The following PABPC4L variants were observed in gnomAD, a reference collection of about 807,000 sequenced individuals.
PABPC4L encodes the protein polyadenylate-binding protein 4-like.
For synonymous variants in PABPC4L, 169 were observed against 164.1 expected (o/e 1.03, Z -0.23); for missense variants, 452 against 451.4 (o/e 1.00, Z -0.01).
the PABPC4L span, among the ~76,000 whole-genome samples, chr4:134,013,434 C>T: frequency 6.6e-6 from 1 of 151,722 alleles, no homozygotes; most frequent in African/African-American, 2.4e-5. Flanking sequence ...ACCTTCCATT[C>T]CTCCTTCTTC....
At chr4:134,057,044 T>TA in the PABPC4L span, among the ~76,000 whole-genome samples, 1 of 151,994 alleles carries the variant, frequency 6.6e-6, no homozygotes, top group Admixed American at 6.6e-5. Context: ...TCAAGATGAG[T>TA]TAGTTATCTC....
At chr4:133,996,619 C>A in the PABPC4L span, among the ~76,000 whole-genome samples, 1 of 152,130 alleles carries the variant, frequency 6.6e-6, no homozygotes, top group African/African-American at 2.4e-5. Flanking sequence ...TATTGCAATC[C>A]GTTGCAGCAT....
chr4:133,987,452 A>G, the PABPC4L span, among the ~76,000 whole-genome samples: 1 of 152,312 alleles, frequency 6.6e-6, no homozygotes, highest in African/African-American at 2.4e-5. Context: ...TCCACATCCC[A>G]AGGAAACAGG....
the PABPC4L span, among the ~76,000 whole-genome samples, chr4:134,147,749 G>GTGTGTGT: frequency 6.2e-3 from 920 of 149,032 alleles, 12 homozygotes; most frequent in East Asian, 0.029. Flanking sequence ...GTGTGTGTGT[G>GTGTGTGT]TGTTGTTGTT....
At chr4:134,044,521 C>T in the PABPC4L span, among the ~76,000 whole-genome samples, 1 of 152,264 alleles carries the variant, frequency 6.6e-6, no homozygotes, top group Admixed American at 6.5e-5. Flanking sequence ...GCCTCAGCCT[C>T]CCAAAGTGCT....
chr4:133,989,836 T>C, the PABPC4L span, among the ~76,000 whole-genome samples: 3 of 152,236 alleles, frequency 2.0e-5, no homozygotes, highest in Admixed American at 6.5e-5. Context: ...AGAGCCTTAA[T>C]TGACTCACAA....
chr4:133,976,623 T>C, the PABPC4L span, among the ~76,000 whole-genome samples: 6 of 152,192 alleles, frequency 3.9e-5, no homozygotes, highest in Non-Finnish European at 8.8e-5. Flanking sequence ...CCAGCATCTG[T>C]TGTTTCTTGA....
At chr4:134,086,763 T>A in the PABPC4L span, among the ~76,000 whole-genome samples, 1 of 151,700 alleles carries the variant, frequency 6.6e-6, no homozygotes, top group Admixed American at 6.6e-5. Context: ...TCTATTTATT[T>A]CTTTTTCTTT....
At chr4:134,186,958 G>T in the PABPC4L span, among the ~76,000 whole-genome samples, 1 of 152,050 alleles carries the variant, frequency 6.6e-6, no homozygotes, top group Non-Finnish European at 1.5e-5. Flanking sequence ...ATCATCACTG[G>T]CCATCAGAGA....
At chr4:134,037,396 A>G in the PABPC4L span, among the ~76,000 whole-genome samples, 1 of 151,932 alleles carries the variant, frequency 6.6e-6, no homozygotes, top group African/African-American at 2.4e-5. Flanking sequence ...ATTTTATTTT[A>G]TTTTGTATTT....
the PABPC4L span, among the ~76,000 whole-genome samples, chr4:134,018,182 A>C: frequency 6.6e-6 from 1 of 151,418 alleles, no homozygotes; most frequent in East Asian, 2.0e-4. Flanking sequence ...GCACCTTGTG[A>C]CCCCCACTCC....
the PABPC4L span, among the ~76,000 whole-genome samples, chr4:133,959,811 A>G: frequency 6.6e-6 from 1 of 152,230 alleles, no homozygotes; most frequent in Non-Finnish European, 1.5e-5. Context: ...TGATGTTTAT[A>G]CATGAAATTG....
chr4:134,011,410 T>A, the PABPC4L span, among the ~76,000 whole-genome samples: 3 of 152,268 alleles, frequency 2.0e-5, no homozygotes, highest in East Asian at 3.9e-4. Context: ...CAGGAATATA[T>A]TCTTGAAACA....
chr4:133,961,149 C>T, the PABPC4L span, among the ~76,000 whole-genome samples: 2 of 152,154 alleles, frequency 1.3e-5, no homozygotes, highest in Admixed American at 1.3e-4. Context: ...AGAACCCTCA[C>T]AAAGTCCATT....
the PABPC4L span, among the ~76,000 whole-genome samples, chr4:134,045,121 T>C: frequency 6.6e-6 from 1 of 152,210 alleles, no homozygotes; most frequent in Non-Finnish European, 1.5e-5. Flanking sequence ...ATAAAATTTA[T>C]ACTTTACTAA....
the PABPC4L span, among the ~76,000 whole-genome samples, chr4:134,089,591 T>C: frequency 1.3e-5 from 2 of 152,170 alleles, no homozygotes; most frequent in African/African-American, 2.4e-5. Context: ...AATCAAACTT[T>C]ATCACAGGTT....
the PABPC4L span, among the ~76,000 whole-genome samples, chr4:134,099,453 A>C: frequency 6.6e-6 from 1 of 151,696 alleles, no homozygotes; most frequent in African/African-American, 2.4e-5. Flanking sequence ...AATTACTTGC[A>C]CAAAACTAGT....
chr4:134,092,486 G>A, the PABPC4L span, among the ~76,000 whole-genome samples: 430 of 151,794 alleles, frequency 2.8e-3, 3 homozygotes, highest in Middle Eastern at 0.027. Flanking sequence ...ATACTTCCTG[G>A]ATACCAGACA....
chr4:134,014,230 C>G, the PABPC4L span, among the ~76,000 whole-genome samples: 1 of 152,168 alleles, frequency 6.6e-6, no homozygotes, highest in African/African-American at 2.4e-5. Context: ...ATTCCAGCCT[C>G]AAACCCCACA....
Sources: allele counts gnomAD v4.1 joint callset (sites outside exome capture counted in the v4.1 genomes callset), GRCh38; gene constraint gnomAD v4.1.1; transcripts MANE v1.5; gene names NCBI Gene and HGNC (gene_info 2026-07-23, HGNC 2026-07-21).